GDA: variants seen among roughly 807,000 people sequenced by gnomAD.
The protein encoded by GDA is cytoplasmic PSD-95 interactor.
A neutral mutation model predicts 59.6 loss-of-function variants in GDA; 18 were observed. That is an observed-to-expected ratio of 0.30 (90% confidence interval 0.21 to 0.45). The LOEUF (loss-of-function observed/expected upper bound fraction) is 0.45. Among genes scored for constraint, GDA ranks in the 20% least tolerant of loss-of-function variants. GDA has a pLI of 1.00. For missense variants in GDA, 427 were observed against 552.3 expected (o/e 0.77, Z 2.27); for synonymous variants, 201 against 201.1 (o/e 1.00, Z 0.00).
Position 72,192,223 on chromosome 9 carries a change from C to CTTTTTT in GDA, c.124-3254_124-3249dup, listed in dbSNP as rs869237933. On this transcript the variant is annotated intron_variant, in intron 1 of 13. Transcript: ENST00000358399. ...CTCTGACTGTGTATTTTCAAATAGC[C>CTTTTTT]TTTTTTTTTTTTTTTTTTTTTTTTT... Among the ~76,000 whole-genome samples, 72 of 46,278 alleles carry CTTTTTT rather than the reference C, an allele frequency of 1.6e-3. 19 individuals carry two copies. The highest frequency in any genetic ancestry group is 5.6e-3 in the African/African-American group (64 of 11,456). 30.4% of individuals were successfully genotyped at this position (46,278 alleles called of 152,430 possible).
chr9:72,222,831 C>T (rs1486790954), intron 6 of GDA, among the ~76,000 whole-genome samples: 1 of 151,894 alleles, frequency 6.6e-6, no homozygotes, highest in Non-Finnish European at 1.5e-5. Context: ...CTCAGCCTCC[C>T]GAGTAGCTGG....
At chr9:72,146,400 T>C (rs1448517435), upstream of GDA, among the ~76,000 whole-genome samples, 8 of 152,000 alleles carry the variant, frequency 5.3e-5, no homozygotes, top group African/African-American at 1.9e-4. Context: ...AGCTCTGTAC[T>C]CCCTCTTTCC....
At chr9:72,205,904 C>T (rs1159727488) in intron 3 of GDA, among the ~76,000 whole-genome samples, 1 of 152,174 alleles carries the variant, frequency 6.6e-6, no homozygotes, top group Non-Finnish European at 1.5e-5. Context: ...TTGGGCCTGA[C>T]ACTGAGGAAG....
intron 1 of GDA, among the ~76,000 whole-genome samples, chr9:72,168,937 T>G (rs1475384352): frequency 6.6e-6 from 1 of 152,222 alleles, no homozygotes; most frequent in Non-Finnish European, 1.5e-5. Flanking sequence ...ATAAATTAAA[T>G]GCTATACTGC....
intron 1 of GDA, among the ~76,000 whole-genome samples, chr9:72,158,805 C>T (rs1358997934): frequency 6.6e-6 from 1 of 152,082 alleles, no homozygotes; most frequent in Non-Finnish European, 1.5e-5. Flanking sequence ...CTTACTAAGT[C>T]ATACTGTATT....
chr9:72,140,114 C>G (rs1826387204), intron 1 of GDA, among the ~76,000 whole-genome samples: 1 of 152,178 alleles, frequency 6.6e-6, no homozygotes, highest in South Asian at 2.1e-4. Context: ...GCATGAGACC[C>G]AGATCAGAGT....
chr9:72,212,348 G>T (rs975345814), intron 4 of GDA, among the ~76,000 whole-genome samples: 3 of 151,976 alleles, frequency 2.0e-5, no homozygotes, highest in African/African-American at 7.3e-5. Context: ...CAAGCGTAGT[G>T]GTGGGCGCCT....
chr9:72,233,112 T>A (rs182671769), intron 10 of GDA, among the ~76,000 whole-genome samples: 2 of 152,352 alleles, frequency 1.3e-5, no homozygotes. Context: ...ACGTGACTTT[T>A]GTGTATCAAT....
chr9:72,185,322 A>G (rs980321949), intron 1 of GDA, among the ~76,000 whole-genome samples: 2 of 152,202 alleles, frequency 1.3e-5, no homozygotes, highest in Non-Finnish European at 1.5e-5. Context: ...CACCTTAGGC[A>G]TTTAAAATAA....
chr9:72,217,527 G>A (rs980120154), intron 5 of GDA, among the ~76,000 whole-genome samples: 3 of 152,192 alleles, frequency 2.0e-5, no homozygotes, highest in African/African-American at 4.8e-5. Flanking sequence ...CACTGTGTGG[G>A]TTTGTCCAAC....
chr9:72,175,410 AT>A (rs555138157), intron 1 of GDA, among the ~76,000 whole-genome samples: 1 of 152,204 alleles, frequency 6.6e-6, no homozygotes, highest in Non-Finnish European at 1.5e-5. Flanking sequence ...ATGTGGTCTC[AT>A]TCTCTGGAAC....
intron 9 of GDA, among the ~76,000 whole-genome samples, chr9:72,229,362 A>AAAAC (rs141650078): frequency 8.6e-5 from 13 of 152,024 alleles, no homozygotes; most frequent in East Asian, 7.8e-4. Context: ...AAAACAAAAC[A>AAAAC]AAACAAACAA....
intron 1 of GDA, among the ~76,000 whole-genome samples, chr9:72,128,599 A>G (rs1825926342): frequency 6.6e-6 from 1 of 152,206 alleles, no homozygotes. Context: ...TAATAAACAT[A>G]TAATGTCTGT....
intron 1 of GDA, among the ~76,000 whole-genome samples, chr9:72,118,616 A>G (rs1437177805): frequency 1.3e-5 from 2 of 152,202 alleles, no homozygotes; most frequent in Non-Finnish European, 2.9e-5. Context: ...TTTTTCCCCA[A>G]AATATGTGAG....
intron 1 of GDA, among the ~76,000 whole-genome samples, chr9:72,152,330 C>G (rs370237753): frequency 1.3e-5 from 2 of 152,162 alleles, no homozygotes; most frequent in Non-Finnish European, 2.9e-5. Flanking sequence ...TGACTAACTG[C>G]TCTTAATACA....
chr9:72,134,566 T>C (rs1318378736), intron 1 of GDA, among the ~76,000 whole-genome samples: 5 of 151,818 alleles, frequency 3.3e-5, no homozygotes, highest in African/African-American at 1.2e-4. Context: ...CATGCCCAGC[T>C]ATTTTTTTTT....
chr9:72,234,345 T>C (rs1838716872), intron 10 of GDA, among the ~76,000 whole-genome samples: 1 of 152,200 alleles, frequency 6.6e-6, no homozygotes, highest in African/African-American at 2.4e-5. Flanking sequence ...TGCAAAATAG[T>C]TAATGCTATA....
Position 72,153,531 on chromosome 9 carries a change from G to A in GDA, c.123+3849G>A, listed in dbSNP as rs1280552290. On this transcript the variant is annotated intron_variant, in intron 1 of 13. Transcript: ENST00000358399. ...TGCTGCTATAAAGACACATGCACAC[G>A]TATGTTTATTGTGGCACTATTCACA... Among the ~76,000 whole-genome samples, 658 of 150,266 alleles carry A rather than the reference G, an allele frequency of 4.4e-3. 7 individuals are homozygous for A. The highest frequency in any genetic ancestry group is 0.015 in the African/African-American group (617 of 40,720).
At chr9:72,229,380 A>C (rs1564141972) in intron 9 of GDA, among the ~76,000 whole-genome samples, 2 of 151,850 alleles carry the variant, frequency 1.3e-5, no homozygotes, top group African/African-American at 4.8e-5. Context: ...CAAACAAACA[A>C]ACAAAACCTT....
Sources: gnomAD v4.1 joint callset for allele counts (sites outside exome capture counted in the v4.1 genomes callset) on GRCh38, gnomAD v4.1.1 for gene constraint, MANE v1.5 for transcripts, NCBI Gene and HGNC (gene_info 2026-07-23, HGNC 2026-07-21) for gene names.